Variants in CCDC192 observed in about 807,000 individuals in gnomAD.
CCDC192 encodes the protein coiled-coil domain containing 192.
rs113267051 is a variant in CCDC192 at position 127,877,731 on chromosome 5, A to G, written c.535+2070A>G. Among the ~76,000 whole-genome samples the G allele has an allele frequency of 8.9e-3, 1,356 of 152,270 alleles. 25 individuals carry two copies. Among genetic ancestry groups the G allele is most frequent in the African/African-American group, 0.031 (1,304 of 41,544 alleles). ...AATAAAGTGTGAAAAGATGTCCAGTAACTTTAATACACAATGACCCCTATT... is the reference window on the plus strand; with the variant it reads ...AATAAAGTGTGAAAAGATGTCCAGTGACTTTAATACACAATGACCCCTATT... On this transcript the variant is annotated intron_variant, in intron 6 of 6. Transcript: ENST00000514853.
At chr5:127,859,062 T>G (rs1751243770) in intron 5 of CCDC192, among the ~76,000 whole-genome samples, 2 of 152,182 alleles carry the variant, frequency 1.3e-5, no homozygotes, top group African/African-American at 4.8e-5. Flanking sequence ...TCATGGAGCT[T>G]ATATTCTTGT....
intron 5 of CCDC192, among the ~76,000 whole-genome samples, chr5:127,874,203 T>C (rs1355135366): frequency 2.6e-5 from 4 of 152,188 alleles, no homozygotes; most frequent in African/African-American, 9.7e-5. Context: ...ACCTGGATTG[T>C]GCTGGCTGAA....
At chr5:127,892,576 G>A (rs1263739867) in intron 6 of CCDC192, among the ~76,000 whole-genome samples, 1 of 152,164 alleles carries the variant, frequency 6.6e-6, no homozygotes, top group African/African-American at 2.4e-5. Flanking sequence ...AGGTGATGTG[G>A]AAGAAATTTT....
intron 6 of CCDC192, among the ~76,000 whole-genome samples, chr5:127,927,115 T>TGA (rs2127197305): frequency 6.6e-6 from 1 of 152,276 alleles, no homozygotes; most frequent in African/African-American, 2.4e-5. Flanking sequence ...TACGTTGACA[T>TGA]GAGAAAAATA....
In CCDC192 at chr5:127,860,107, C is replaced by T. The variant is rs192032904; in HGVS notation, c.412-15431C>T. Among the ~76,000 whole-genome samples the T allele has an allele frequency of 1.6e-4, 25 of 152,182 alleles. No homozygotes were observed. In the East Asian group the frequency reaches 3.3e-3, roughly 20 times the overall value. On this transcript the variant is annotated intron_variant, in intron 5 of 6. Coordinates refer to ENST00000514853, the MANE Select transcript of CCDC192 (RefSeq NM_001317938.2). ...TCCTTGAACCCCAGTCTCACCTCTGCGCTCCCAGATCACCCTACATAAAGC... is the reference window on the plus strand; with the variant it reads ...TCCTTGAACCCCAGTCTCACCTCTGTGCTCCCAGATCACCCTACATAAAGC...
At chr5:127,903,876 G>C (rs1173718227) in intron 6 of CCDC192, among the ~76,000 whole-genome samples, 1 of 152,162 alleles carries the variant, frequency 6.6e-6, no homozygotes, top group Non-Finnish European at 1.5e-5. Context: ...ATTTAAAGGA[G>C]AGTGAATTTC....
At chr5:127,891,557 C>T (rs780513492) in intron 6 of CCDC192, among the ~76,000 whole-genome samples, 1 of 152,222 alleles carries the variant, frequency 6.6e-6, no homozygotes, top group Non-Finnish European at 1.5e-5. Context: ...TCATTCTCAT[C>T]TTTCCAGTGA....
chr5:127,793,537 G>T (rs2126960196), intron 3 of CCDC192, among the ~76,000 whole-genome samples: 1 of 152,314 alleles, frequency 6.6e-6, no homozygotes, highest in South Asian at 2.1e-4. Flanking sequence ...ATCAGGAATG[G>T]AGGCAGACAA....
At chr5:127,756,427 T>C (rs1273799757) in intron 3 of CCDC192, among the ~76,000 whole-genome samples, 1 of 152,026 alleles carries the variant, frequency 6.6e-6, no homozygotes, top group African/African-American at 2.4e-5. Context: ...TGCTGGTTGG[T>C]CAGGTTGGAG....
intron 6 of CCDC192, among the ~76,000 whole-genome samples, chr5:127,909,538 T>C (rs1005909980): frequency 2.0e-5 from 3 of 152,124 alleles, no homozygotes; most frequent in African/African-American, 7.2e-5. Flanking sequence ...GCTACCTAAT[T>C]TGCAGTCTTT....
chr5:127,836,368 T>A (rs1490426212), intron 5 of CCDC192, among the ~76,000 whole-genome samples: 1 of 152,148 alleles, frequency 6.6e-6, no homozygotes, highest in Non-Finnish European at 1.5e-5. Context: ...TGTCTGTAGC[T>A]TTTCCAGGTG....
chr5:127,737,174 C>T (rs1753065448), intron 2 of CCDC192, among the ~76,000 whole-genome samples: 1 of 151,974 alleles, frequency 6.6e-6, no homozygotes, highest in Non-Finnish European at 1.5e-5. Flanking sequence ...TTTCTGCCTT[C>T]ATTTCATTAT....
In CCDC192 at chr5:127,724,740, C is replaced by G. The variant is rs551994358; in HGVS notation, c.114+16980C>G. Among the ~76,000 whole-genome samples the G allele has an allele frequency of 3.2e-4, 48 of 151,116 alleles. No homozygotes were observed. The South Asian group carries it at 9.4e-3, about 30-fold the overall frequency. ...GGCACGCGCCTGTAGTCCCAGCTACCTGGGAGGCTGAGACAGCAGAATCGC... is the reference window on the plus strand; with the variant it reads ...GGCACGCGCCTGTAGTCCCAGCTACGTGGGAGGCTGAGACAGCAGAATCGC... On this transcript the variant is annotated intron_variant, in intron 2 of 6. Transcript: ENST00000514853.
At chr5:127,715,413 G>T (rs1751573537) in intron 2 of CCDC192, among the ~76,000 whole-genome samples, 1 of 152,146 alleles carries the variant, frequency 6.6e-6, no homozygotes, top group African/African-American at 2.4e-5. Flanking sequence ...TGGCAACTTT[G>T]TTGAAGCTCA....
chr5:127,717,333 A>G (rs1404588031), intron 2 of CCDC192, among the ~76,000 whole-genome samples: 1 of 152,130 alleles, frequency 6.6e-6, no homozygotes, highest in Non-Finnish European at 1.5e-5. Flanking sequence ...GATCTTATTT[A>G]CCCACATTAT....
chr5:127,713,962 A>G (rs1751478419), intron 2 of CCDC192, among the ~76,000 whole-genome samples: 1 of 152,178 alleles, frequency 6.6e-6, no homozygotes, highest in Non-Finnish European at 1.5e-5. Context: ...CTATCTAGCT[A>G]TAACTTTGTA....
intron 3 of CCDC192, among the ~76,000 whole-genome samples, chr5:127,788,070 A>G (rs1202617568): frequency 7.4e-6 from 1 of 134,272 alleles, no homozygotes; most frequent in Non-Finnish European, 1.5e-5. Flanking sequence ...TAACAGAGTG[A>G]GACTTCACCT....
rs180757880 is a variant in CCDC192, at chr5:127,863,411, T to C, written c.412-12127T>C. On this transcript the variant is annotated intron_variant, in intron 5 of 6. Transcript: ENST00000514853. ...TTAGAGAAGATGCCTTGCTGGAGAG[T>C]AAATTATAATGAGGACATCATGCCA... Among the ~76,000 whole-genome samples the C allele has an allele frequency of 3.3e-5, 5 of 152,102 alleles. No individual in the cohort carries two copies. In the South Asian group the frequency reaches 1.0e-3, roughly 31 times the overall value.
At chr5:127,912,411 G>A (rs998999429) in intron 6 of CCDC192, among the ~76,000 whole-genome samples, 12 of 39,368 alleles carry the variant, frequency 3.0e-4, no homozygotes, top group African/African-American at 1.5e-3. Flanking sequence ...ATAGATTCCT[G>A]GGTTTAGCAA....
Sources: allele counts gnomAD v4.1 joint callset (sites outside exome capture counted in the v4.1 genomes callset), GRCh38; gene constraint gnomAD v4.1.1; transcripts MANE v1.5; gene names NCBI Gene and HGNC (gene_info 2026-07-23, HGNC 2026-07-21).